The following PIP4K2A variants were observed in gnomAD, a reference collection of about 807,000 sequenced individuals.
PIP4K2A encodes the protein phosphatidylinositol-5-phosphate 4-kinase type 2 alpha.
In PIP4K2A, 14 loss-of-function variants were observed where a neutral mutation model predicts 42.9. The observed-to-expected ratio is 0.33, with a 90% CI of 0.22 to 0.51. The LOEUF is 0.51. Ranked by LOEUF, PIP4K2A falls within the 20% of genes least tolerant of loss-of-function variation. The probability of loss-of-function intolerance (pLI) is 0.97; values close to 1 mark genes in which losing one functional copy is unlikely to be tolerated. For missense variants in PIP4K2A, 434 were observed against 519.8 expected (o/e 0.83, Z 1.61); for synonymous variants, 192 against 192.2 (o/e 1.00, Z 0.01).
chr10:22,628,885 G>C (rs1838497817), intron 1 of PIP4K2A, among the ~76,000 whole-genome samples: 1 of 152,140 alleles, frequency 6.6e-6, no homozygotes, highest in Non-Finnish European at 1.5e-5. Flanking sequence ...ATGCTGGTTG[G>C]CTTCTCCTGA....
At chr10:22,651,753 G>A (rs1448002566) in intron 1 of PIP4K2A, among the ~76,000 whole-genome samples, 1 of 152,226 alleles carries the variant, frequency 6.6e-6, no homozygotes, top group Non-Finnish European at 1.5e-5. Flanking sequence ...GTCTGTGCTG[G>A]TGCCCGGGAG....
intron 1 of PIP4K2A, among the ~76,000 whole-genome samples, chr10:22,632,488 C>G (rs1046713497): frequency 6.6e-6 from 1 of 152,164 alleles, no homozygotes; most frequent in Non-Finnish European, 1.5e-5. Context: ...CTAAAGTTGA[C>G]AAGTTGGTGT....
At chr10:22,623,814 C>T (rs13376745) in intron 1 of PIP4K2A, among the ~76,000 whole-genome samples, 1,569 of 152,308 alleles carry the variant, frequency 0.01, 21 homozygotes, top group African/African-American at 0.036. Flanking sequence ...CAGGACCAAT[C>T]AACAAGAAGC....
chr10:22,658,680 A>G (rs1366181732), intron 1 of PIP4K2A, among the ~76,000 whole-genome samples: 1 of 152,222 alleles, frequency 6.6e-6, no homozygotes, highest in Admixed American at 6.5e-5. Context: ...CTGCGCAGCA[A>G]AAGATCCCAT....
intron 1 of PIP4K2A, among the ~76,000 whole-genome samples, chr10:22,621,619 T>C (rs1170476857): frequency 2.0e-5 from 3 of 152,206 alleles, no homozygotes; most frequent in Admixed American, 2.0e-4. Context: ...GAGTTTGGTA[T>C]GTAATACAGG....
intron 4 of PIP4K2A, among the ~76,000 whole-genome samples, chr10:22,589,268 G>A (rs182205399): frequency 1.4e-4 from 22 of 152,194 alleles, no homozygotes; most frequent in Admixed American, 1.3e-3. Context: ...ATTTCCAGAG[G>A]GGAAAAAATG....
intron 1 of PIP4K2A, among the ~76,000 whole-genome samples, chr10:22,677,129 C>A (rs907435885): frequency 1.3e-5 from 2 of 152,116 alleles, no homozygotes; most frequent in Non-Finnish European, 2.9e-5. Flanking sequence ...TTACCATGTA[C>A]ATGTTTTGCA....
At chr10:22,651,641 C>G (rs1440827637) in intron 1 of PIP4K2A, among the ~76,000 whole-genome samples, 2 of 152,234 alleles carry the variant, frequency 1.3e-5, no homozygotes, top group Non-Finnish European at 2.9e-5. Context: ...GTGAACCTGT[C>G]TTTTAGCCTT....
At chr10:22,710,453 G>T (rs545489693) in intron 1 of PIP4K2A, among the ~76,000 whole-genome samples, 1 of 152,200 alleles carries the variant, frequency 6.6e-6, no homozygotes, top group East Asian at 1.9e-4. Flanking sequence ...ATCCTTCCAC[G>T]GTATTTTTAT....
rs1225378416 is a variant in PIP4K2A, at chr10:22,551,374, A to G, written c.679-602T>C. ...ATTCTCTTCTCATTTGGACAATATC[A>G]AAGAAAAAGGGTCTTCTCTTAACAT... On this transcript the variant is annotated intron_variant, in intron 6 of 9. Coordinates refer to ENST00000376573, the MANE Select transcript of PIP4K2A (RefSeq NM_005028.5). Among the ~76,000 whole-genome samples, 5 of 152,314 alleles carry G rather than the reference A, an allele frequency of 3.3e-5. No homozygotes were observed. The South Asian group carries it at 8.3e-4, about 25-fold the overall frequency.
chr10:22,554,431 T>G (rs1175608549), intron 6 of PIP4K2A, among the ~76,000 whole-genome samples: 1 of 152,254 alleles, frequency 6.6e-6, no homozygotes, highest in Admixed American at 6.5e-5. Flanking sequence ...TTCTACACTT[T>G]GCTTTTAAAC....
intron 6 of PIP4K2A, among the ~76,000 whole-genome samples, chr10:22,558,689 A>G (rs1836612170): frequency 1.3e-5 from 2 of 152,240 alleles, no homozygotes; most frequent in Admixed American, 1.3e-4. Context: ...TTTCACAGTG[A>G]AAACAGTGAG....
chr10:22,580,020 C>A (rs1417736427), intron 4 of PIP4K2A, among the ~76,000 whole-genome samples: 3 of 151,782 alleles, frequency 2.0e-5, no homozygotes, highest in Non-Finnish European at 4.4e-5. Flanking sequence ...CAAGATGCAG[C>A]CAAGGCCCCG....
At chr10:22,613,944 A>C (rs573077456) in intron 1 of PIP4K2A, among the ~76,000 whole-genome samples, 1 of 152,348 alleles carries the variant, frequency 6.6e-6, no homozygotes, top group African/African-American at 2.4e-5. Context: ...TTTCCACTGT[A>C]GTCGATGGTG....
intron 3 of PIP4K2A, among the ~76,000 whole-genome samples, chr10:22,596,645 C>T (rs1308506120): frequency 6.6e-6 from 1 of 152,252 alleles, no homozygotes; most frequent in Non-Finnish European, 1.5e-5. Flanking sequence ...TTGATGGAAA[C>T]AGAGCTTGGG....
intron 3 of PIP4K2A, among the ~76,000 whole-genome samples, chr10:22,596,373 A>G (rs1837636230): frequency 6.6e-6 from 1 of 152,190 alleles, no homozygotes; most frequent in African/African-American, 2.4e-5. Context: ...ATGATGGTTT[A>G]GGACACCTGG....
At chr10:22,645,912 G>A (rs1279105603) in intron 1 of PIP4K2A, among the ~76,000 whole-genome samples, 1 of 151,924 alleles carries the variant, frequency 6.6e-6, no homozygotes, top group African/African-American at 2.4e-5. Flanking sequence ...TGTAGAGACG[G>A]GGTCTCCCTA....
chr10:22,688,311 G>A (rs1839800168), intron 1 of PIP4K2A, among the ~76,000 whole-genome samples: 1 of 152,180 alleles, frequency 6.6e-6, no homozygotes, highest in Admixed American at 6.5e-5. Context: ...GACTCAAGAT[G>A]AAGGACTATA....
chr10:22,617,546 G>A (rs1320691382), intron 1 of PIP4K2A, among the ~76,000 whole-genome samples: 1 of 152,120 alleles, frequency 6.6e-6, no homozygotes, highest in African/African-American at 2.4e-5. Context: ...TTTTCATTCA[G>A]CCAAGAATAT....
Sources: gnomAD v4.1 joint callset for allele counts (sites outside exome capture counted in the v4.1 genomes callset) on GRCh38, gnomAD v4.1.1 for gene constraint, MANE v1.5 for transcripts, NCBI Gene and HGNC (gene_info 2026-07-23, HGNC 2026-07-21) for gene names.